Variants in CNTN6 observed in about 807,000 individuals in gnomAD.
CNTN6 encodes contactin 6, also known as contactin-6.
A neutral mutation model predicts 122.8 loss-of-function variants in CNTN6; 137 were observed. The observed-to-expected ratio is 1.12, with a 90% CI of 0.97 to 1.29. CNTN6 has a LOEUF of 1.29. CNTN6 is among the 50% of genes most tolerant of loss of function. CNTN6 has a pLI of 0.00. For missense variants in CNTN6, 1,634 were observed against 1,223.4 expected (o/e 1.34, Z -5.01); for synonymous variants, 570 against 426.0 (o/e 1.34, Z -4.16).
At chr3:1,260,362 G>A (rs2094825715) in intron 4 of CNTN6, among the ~76,000 whole-genome samples, 1 of 152,116 alleles carries the variant, frequency 6.6e-6, no homozygotes, top group Admixed American at 6.6e-5. Context: ...ACACCTCTTA[G>A]TGTCTAGAGG....
At chr3:1,302,133 C>A (rs1340325111) in intron 7 of CNTN6, among the ~76,000 whole-genome samples, 1 of 152,114 alleles carries the variant, frequency 6.6e-6, no homozygotes, top group Non-Finnish European at 1.5e-5. Context: ...AATTATAAAT[C>A]TGTATTTGTA....
At chr3:1,283,583 T>G (rs1693833264) in intron 5 of CNTN6, among the ~76,000 whole-genome samples, 1 of 152,190 alleles carries the variant, frequency 6.6e-6, no homozygotes, top group African/African-American at 2.4e-5. Context: ...GAAATCTTAT[T>G]TAAAAATGAC....
chr3:1,247,786 A>G (rs1427645234), intron 4 of CNTN6, among the ~76,000 whole-genome samples: 1 of 152,146 alleles, frequency 6.6e-6, no homozygotes, highest in Non-Finnish European at 1.5e-5. Context: ...AGCTTCCTAT[A>G]GCATATCTCA....
intron 7 of CNTN6, among the ~76,000 whole-genome samples, chr3:1,316,804 A>C (rs1354558454): frequency 6.6e-6 from 1 of 151,850 alleles, no homozygotes; most frequent in African/African-American, 2.4e-5. Context: ...TCGCTACTAA[A>C]ATAATTTTGT....
rs62229396 is a variant in CNTN6, at chr3:1,211,713, C to G, written c.56-8974C>G. 3.9e-3 allele frequency among the ~76,000 whole-genome samples: 592 copies of G among 152,024 alleles called. 3 individuals are homozygous for G. The highest frequency in any genetic ancestry group is 0.014 in the South Asian group (66 of 4,808). ...TTGTGTAGACTGGTGTTCTCTACCT[C>G]CTCATGAGTTTTATGGACGATGGAT... On this transcript the variant is annotated intron_variant, in intron 2 of 22. Transcript: ENST00000446702.
In CNTN6 at chr3:1,283,638, C is replaced by G. The variant is rs560684729; in HGVS notation, c.454+5130C>G. On this transcript the variant is annotated intron_variant, in intron 5 of 22. Transcript: ENST00000446702. ...TGTTATCTACAATAATTAAACCCCC[C>G]CTTCACTATGTAGTAATAGTTTCAC... Among the ~76,000 whole-genome samples, 151 of 151,958 alleles carry G rather than the reference C, an allele frequency of 9.9e-4. 1 individual carries two copies. Among genetic ancestry groups the G allele is most frequent in the African/African-American group, 3.3e-3 (136 of 41,444 alleles).
chr3:1,182,591 C>CTA (rs2093571285), intron 2 of CNTN6, among the ~76,000 whole-genome samples: 1 of 108,758 alleles, frequency 9.2e-6, no homozygotes. Context: ...CCCACATTCT[C>CTA]CTTTTCCTTA....
At chr3:1,172,429 A>G (rs1211424477) in intron 2 of CNTN6, among the ~76,000 whole-genome samples, 2 of 152,236 alleles carry the variant, frequency 1.3e-5, no homozygotes, top group Non-Finnish European at 1.5e-5. Context: ...CTAAGTACCT[A>G]TAATATTACT....
At chr3:1,265,058 T>C (rs1220818125) in intron 4 of CNTN6, among the ~76,000 whole-genome samples, 1 of 151,104 alleles carries the variant, frequency 6.6e-6, no homozygotes, top group African/African-American at 2.4e-5. Flanking sequence ...TTTTTTTTTT[T>C]TTTTTGGCTG....
At chr3:1,263,964 A>G (rs2094887656) in intron 4 of CNTN6, among the ~76,000 whole-genome samples, 1 of 151,646 alleles carries the variant, frequency 6.6e-6, no homozygotes, top group South Asian at 2.1e-4. Context: ...ATCTGGGGGT[A>G]AGTTTTCAAG....
At chr3:1,292,361 G>A (rs78240877) in intron 5 of CNTN6, among the ~76,000 whole-genome samples, 3,359 of 152,052 alleles carry the variant, frequency 0.022, 120 homozygotes, top group African/African-American at 0.076. Flanking sequence ...ACTGGCTTTT[G>A]CTACATTTTA....
chr3:1,131,458 A>G (rs1401067552), intron 1 of CNTN6, among the ~76,000 whole-genome samples: 7 of 152,064 alleles, frequency 4.6e-5, no homozygotes, highest in African/African-American at 1.4e-4. Context: ...TGAGTGTTCA[A>G]TGAATGGAGA....
chr3:1,128,787 A>T (rs2092252564), intron 1 of CNTN6, among the ~76,000 whole-genome samples: 1 of 152,122 alleles, frequency 6.6e-6, no homozygotes, highest in African/African-American at 2.4e-5. Flanking sequence ...TAAAAAAATG[A>T]CATTAGAACT....
At chr3:1,302,218 T>G (rs1697553397) in intron 7 of CNTN6, among the ~76,000 whole-genome samples, 1 of 152,092 alleles carries the variant, frequency 6.6e-6, no homozygotes, top group Admixed American at 6.5e-5. Context: ...TTCATAAAAA[T>G]ATTGCTGTGC....
chr3:1,324,887 A>T (rs763254367), intron 8 of CNTN6, among the ~76,000 whole-genome samples: 21 of 149,548 alleles, frequency 1.4e-4, no homozygotes, highest in Non-Finnish European at 2.7e-4. Context: ...GCGAGAATCC[A>T]CTGAAAGATT....
chr3:1,262,425 TA>T (rs2094860620), intron 4 of CNTN6, among the ~76,000 whole-genome samples: 1 of 152,080 alleles, frequency 6.6e-6, no homozygotes, highest in South Asian at 2.1e-4. Context: ...AGGAAGAGAA[TA>T]ATTGGCAGGT....
At position 1,401,727 on chromosome 3, in the gene CNTN6, C is replaced by A. The variant is rs59433318; in HGVS notation, c.2817+182C>A. Among the ~76,000 whole-genome samples the A allele has an allele frequency of 1.5e-3, 224 of 152,028 alleles. 4 individuals are homozygous for A. The East Asian group carries it at 0.04, about 27-fold the overall frequency. On this transcript the variant is annotated intron_variant, in intron 21 of 22. Coordinates refer to ENST00000446702, the MANE Select transcript of CNTN6 (RefSeq NM_001289080.2). ...TGAAAATGTTTTACATTCCAAGGTC[C>A]AGTAATGTATTAGGGAACATCAATA...
chr3:1,204,738 T>C (rs2093934960), intron 2 of CNTN6, among the ~76,000 whole-genome samples: 1 of 152,192 alleles, frequency 6.6e-6, no homozygotes, highest in Non-Finnish European at 1.5e-5. Context: ...ATTAGTGCCT[T>C]ATTGCTGTTG....
chr3:1,123,170 C>T (rs2092026558), intron 1 of CNTN6, among the ~76,000 whole-genome samples: 1 of 151,786 alleles, frequency 6.6e-6, no homozygotes, highest in African/African-American at 2.4e-5. Context: ...TTTTCCATAA[C>T]CGTTTTCTAA....
Sources: allele counts gnomAD v4.1 joint callset (sites outside exome capture counted in the v4.1 genomes callset), GRCh38; gene constraint gnomAD v4.1.1; transcripts MANE v1.5; gene names NCBI Gene and HGNC (gene_info 2026-07-23, HGNC 2026-07-21).